The following SLC23A2 variants were observed in gnomAD, a reference collection of about 807,000 sequenced individuals.
SLC23A2 encodes Na(+)/L-ascorbic acid transporter 2.
A neutral mutation model predicts 73.3 loss-of-function variants in SLC23A2; 36 were observed. The ratio of observed to expected loss-of-function variants is 0.49; its 90% CI spans 0.38 to 0.65. The LOEUF (loss-of-function observed/expected upper bound fraction) is 0.65, where lower values mean the gene tolerates loss of function less well. Among genes scored for constraint, SLC23A2 ranks in the 30% least tolerant of loss-of-function variants. SLC23A2 has a pLI of 0.00. For synonymous variants in SLC23A2, 343 were observed against 327.3 expected (o/e 1.05, Z -0.52); for missense variants, 507 against 841.6 (o/e 0.60, Z 4.92).
chr20:5,000,132 A>G (rs976644903), intron 1 of SLC23A2, among the ~76,000 whole-genome samples: 5 of 152,076 alleles, frequency 3.3e-5, no homozygotes, highest in African/African-American at 1.2e-4. Flanking sequence ...GATAGAGCCA[A>G]CCATAACCCA....
rs1930038035 is a variant in SLC23A2 at position 4,862,967 on chromosome 20, G to C, written c.1357-60C>G. 6.4e-6 allele frequency: 10 copies of C among 1,554,182 alleles called. No homozygotes were observed. The South Asian group carries it at 1.0e-4, about 16-fold the overall frequency. On this transcript the variant is annotated intron_variant, in intron 13 of 16. Coordinates refer to ENST00000338244, the MANE Select transcript of SLC23A2 (RefSeq NM_005116.6). The surrounding 1 kb of genome is among the most constrained non-coding windows in gnomAD (Gnocchi z 5.1). Reference sequence around the variant, plus strand: ...TCATCTCCATGCAAAATCACCGTAAGTTACTAAAGAACACACAGCAGAGAT... The same window carrying C: ...TCATCTCCATGCAAAATCACCGTAACTTACTAAAGAACACACAGCAGAGAT...
At chr20:4,922,625 G>C (rs1932533331) in intron 3 of SLC23A2, among the ~76,000 whole-genome samples, 1 of 152,070 alleles carries the variant, frequency 6.6e-6, no homozygotes. Flanking sequence ...TCAGAAGTTT[G>C]AGACCATCCT....
In SLC23A2 at chr20:4,931,816, C is replaced by A. The variant is rs141837614; in HGVS notation, c.108+639G>T. Among the ~76,000 whole-genome samples the A allele has an allele frequency of 5.1e-3, 776 of 152,258 alleles. 4 individuals carry two copies. Among genetic ancestry groups the A allele is most frequent in the African/African-American group, 0.017 (720 of 41,530 alleles). On this transcript the variant is annotated intron_variant, in intron 3 of 16. Transcript: ENST00000338244. ...AAAAAATCCTAGAATACTATTCTTG[C>A]CATTAACCACATCTCCAGTATTAAG...
intron 1 of SLC23A2, among the ~76,000 whole-genome samples, chr20:4,990,639 C>T (rs1223964365): frequency 6.9e-6 from 1 of 144,302 alleles, no homozygotes; most frequent in African/African-American, 2.6e-5. Flanking sequence ...TCCCAAAGTG[C>T]TGGGATTTCA....
chr20:4,884,086 G>A (rs986909279), intron 8 of SLC23A2, among the ~76,000 whole-genome samples: 5 of 152,134 alleles, frequency 3.3e-5, no homozygotes, highest in African/African-American at 9.7e-5. Context: ...GTTAAACGAT[G>A]CAGGCAAAAA....
chr20:4,967,038 A>G (rs2087487034), intron 2 of SLC23A2, among the ~76,000 whole-genome samples: 1 of 152,206 alleles, frequency 6.6e-6, no homozygotes, highest in Non-Finnish European at 1.5e-5. Flanking sequence ...AGCAGAATCC[A>G]GTGCTAACGA....
chr20:4,999,396 G>A (rs1449023188), intron 1 of SLC23A2, among the ~76,000 whole-genome samples: 3 of 152,130 alleles, frequency 2.0e-5, no homozygotes, highest in African/African-American at 7.2e-5. Context: ...GGCTACATGT[G>A]CTTGCCTGCC....
intron 1 of SLC23A2, among the ~76,000 whole-genome samples, chr20:4,993,182 G>A (rs1465575377): frequency 6.6e-6 from 1 of 151,784 alleles, no homozygotes; most frequent in Non-Finnish European, 1.5e-5. Context: ...TCCTAGGGAG[G>A]CTGAGGCAAG....
At chr20:4,898,803 T>C (rs1931642379) in intron 6 of SLC23A2, among the ~76,000 whole-genome samples, 1 of 151,598 alleles carries the variant, frequency 6.6e-6, no homozygotes, top group Admixed American at 6.6e-5. Flanking sequence ...GAAAAAGACA[T>C]AGAAACAAAA....
At chr20:4,975,419 T>C (rs2087628326) in intron 1 of SLC23A2, among the ~76,000 whole-genome samples, 1 of 152,160 alleles carries the variant, frequency 6.6e-6, no homozygotes, top group South Asian at 2.1e-4. Flanking sequence ...TTCACTCTGT[T>C]GCCCAGGCTG....
At chr20:4,882,901 A>AGGT (rs1930948158) in intron 9 of SLC23A2, among the ~76,000 whole-genome samples, 1 of 152,200 alleles carries the variant, frequency 6.6e-6, no homozygotes. Flanking sequence ...ATTCCAGAGT[A>AGGT]ATGGAACCAT....
rs376702393 is a variant in SLC23A2 at position 4,869,980 on chromosome 20, G to A, written c.1176C>T (p.Ile392=). ...GMLSAVVASI[I]ESIGDYYACA... The stretch of plus-strand genomic sequence containing the variant: ...AGGCGTAGTAGTCACCAATAGACTC[G>A]ATGATGCTGGCGACCACGGCACTGA... The change falls in exon 12 of 17, where the codon ATC becomes ATT. Residue 392 remains isoleucine, a synonymous_variant. Transcript: ENST00000338244. 5 of 1,613,632 alleles carry A rather than the reference G, an allele frequency of 3.1e-6. No homozygotes were observed. Among genetic ancestry groups the A allele is most frequent in the Admixed American group, 1.7e-5 (1 of 59,972 alleles).
chr20:5,003,478 C>T (rs2088156512), upstream of SLC23A2, among the ~76,000 whole-genome samples: 1 of 151,900 alleles, frequency 6.6e-6, no homozygotes, highest in South Asian at 2.1e-4. Flanking sequence ...AACCATCATT[C>T]TACACCAGTG....
At chr20:4,968,689 G>C (rs919920501) in intron 2 of SLC23A2, among the ~76,000 whole-genome samples, 1 of 151,772 alleles carries the variant, frequency 6.6e-6, no homozygotes, top group African/African-American at 2.4e-5. Context: ...GGCTTGACAA[G>C]GTAAATCATT....
chr20:4,931,755 C>T (rs922809066), intron 3 of SLC23A2, among the ~76,000 whole-genome samples: 3 of 151,830 alleles, frequency 2.0e-5, no homozygotes, highest in Non-Finnish European at 2.9e-5. Flanking sequence ...GGCAACAGAG[C>T]GAGGCCTTGT....
rs1568597058 is a variant in SLC23A2 at position 4,854,865 on chromosome 20, G to A, written c.*2107C>T. 1 of 152,188 alleles carries A rather than the reference G, an allele frequency of 6.6e-6. No individual in the cohort carries two copies. The highest frequency in any genetic ancestry group is 1.5e-5 in the Non-Finnish European group (1 of 68,034). The allele number at this position is 152,188 out of a possible 1,614,324, so 9.4% of individuals were successfully genotyped here. A position where few individuals can be genotyped will look rare whatever the true frequency, so the allele number is the denominator to read the frequency against. ...TATTTGGTCTTTCTGCTCACCTGGA[G>A]AGCTAGAAGATTGCAAATCTCTGGG... On this transcript the variant is annotated 3_prime_UTR_variant, in exon 17 of 17. Transcript: ENST00000338244.
At chr20:4,995,744 G>C (rs2088008476) in intron 1 of SLC23A2, among the ~76,000 whole-genome samples, 2 of 152,142 alleles carry the variant, frequency 1.3e-5, no homozygotes, top group Non-Finnish European at 2.9e-5. Flanking sequence ...TCAGCGCTAA[G>C]ACCCTAGGCA....
chr20:4,998,251 T>C lies in SLC23A2; in HGVS notation c.-282+3155A>G, dbSNP rs748469581. ...GATCTCATTGTCCACATCCCTACAG[T>C]GTGGGCTCCATGTGGGCTGGGAATC... is the stretch of plus-strand genomic sequence containing the variant. On this transcript the variant is annotated intron_variant, in intron 1 of 16. Coordinates refer to ENST00000338244, the MANE Select transcript of SLC23A2 (RefSeq NM_005116.6). This position sits in a 1 kb window ranked among gnomAD's most constrained non-coding sequence, Gnocchi z 4.1. Among the ~76,000 whole-genome samples, 30 of 152,098 alleles carry C rather than the reference T, an allele frequency of 2.0e-4. No homozygotes were observed. Among genetic ancestry groups the C allele is most frequent in the Non-Finnish European group, 3.7e-4 (25 of 68,016 alleles).
In SLC23A2 at chr20:4,856,919, A is replaced by C; in HGVS notation, c.*53T>G. ...GTATTTTACTTCTTGTTACTCAGCA[A>C]GGAACTACAGATACATGCCTCACTG... On this transcript the variant is annotated 3_prime_UTR_variant, in exon 17 of 17. Transcript: ENST00000338244. This position sits in a 1 kb window ranked among gnomAD's most constrained non-coding sequence, Gnocchi z 4.6. 8.9e-7 allele frequency: 1 copy of C among 1,128,030 alleles called. No homozygotes were observed. The highest frequency in any genetic ancestry group is 1.3e-5 in the South Asian group (1 of 77,662). 69.9% of individuals were successfully genotyped at this position (1,128,030 alleles called of 1,614,324 possible).
Sources: gnomAD v4.1 joint callset for allele counts (sites outside exome capture counted in the v4.1 genomes callset) on GRCh38, gnomAD v4.1.1 for gene constraint, Gnocchi (gnomAD v3.1) non-coding constraint, MANE v1.5 for transcripts, NCBI Gene and HGNC (gene_info 2026-07-23, HGNC 2026-07-21) for gene names.